Variants in SBF2 observed in about 807,000 individuals in gnomAD.
SBF2 encodes SET binding factor 2.
In SBF2, 112 loss-of-function variants were observed where a neutral mutation model predicts 225.2. The ratio of observed to expected loss-of-function variants is 0.50; its 90% CI spans 0.43 to 0.58. The LOEUF is 0.58. Ranked by LOEUF, SBF2 falls within the 20% of genes least tolerant of loss-of-function variation. The pLI is 0.00. For synonymous variants in SBF2, 763 were observed against 773.3 expected (o/e 0.99, Z 0.22); for missense variants, 1,996 against 2,206.2 (o/e 0.90, Z 1.91).
At chr11:9,954,256 G>GT (rs1042543322) in intron 16 of SBF2, among the ~76,000 whole-genome samples, 3 of 152,074 alleles carry the variant, frequency 2.0e-5, no homozygotes, top group African/African-American at 7.2e-5. Context: ...AATTACCAAA[G>GT]TTTTTGAATC....
intron 1 of SBF2, among the ~76,000 whole-genome samples, chr11:10,244,773 A>C (rs1010600118): frequency 6.6e-6 from 1 of 152,188 alleles, no homozygotes; most frequent in Non-Finnish European, 1.5e-5. Context: ...AAACTATACA[A>C]CTGATAAAAG....
intron 1 of SBF2, among the ~76,000 whole-genome samples, chr11:10,229,431 C>G (rs992458843): frequency 2.0e-5 from 3 of 152,202 alleles, no homozygotes; most frequent in East Asian, 1.9e-4. Flanking sequence ...GATCTTTCCT[C>G]CTTTCTCTTA....
intron 1 of SBF2, among the ~76,000 whole-genome samples, chr11:10,279,302 A>G (rs1222085659): frequency 6.6e-6 from 1 of 151,356 alleles, no homozygotes; most frequent in Non-Finnish European, 1.5e-5. Context: ...AATCCCAGCT[A>G]CTAGGGAGAC....
At chr11:10,263,563 A>G (rs1040601415) in intron 1 of SBF2, among the ~76,000 whole-genome samples, 3 of 152,144 alleles carry the variant, frequency 2.0e-5, no homozygotes, top group Non-Finnish European at 4.4e-5. Context: ...TGACCTTTAA[A>G]TAAGTCAGAG....
At chr11:10,230,408 A>C (rs935882997) in intron 1 of SBF2, among the ~76,000 whole-genome samples, 1 of 152,080 alleles carries the variant, frequency 6.6e-6, no homozygotes, top group Middle Eastern at 3.2e-3. Flanking sequence ...CCTAGCCTTG[A>C]TGGTCTTTAC....
At chr11:9,867,161 G>C (rs914146540) in intron 17 of SBF2, among the ~76,000 whole-genome samples, 73 of 152,240 alleles carry the variant, frequency 4.8e-4, no homozygotes, top group South Asian at 2.1e-4. Context: ...AAGGATAAAT[G>C]CTTGTGGGGA....
At chr11:10,124,386 C>T (rs1249460402) in intron 2 of SBF2, among the ~76,000 whole-genome samples, 1 of 152,008 alleles carries the variant, frequency 6.6e-6, no homozygotes, top group African/African-American at 2.4e-5. Flanking sequence ...TGTACATTTC[C>T]GTCCTAGAGA....
At chr11:10,099,928 G>A (rs1952202047) in intron 2 of SBF2, among the ~76,000 whole-genome samples, 2 of 151,834 alleles carry the variant, frequency 1.3e-5, no homozygotes, top group Admixed American at 1.3e-4. Context: ...AAAAGAGGAA[G>A]AAAGAATCAA....
rs1427162461 is a variant in SBF2, at chr11:10,224,374, C to T, written c.56-30387G>A. On this transcript the variant is annotated intron_variant, in intron 1 of 39. Transcript: ENST00000256190. ...CCATCACTTCTTATTAGTCTCCCCA[C>T]TCCCCATCCATAATTCTCACAACAG... Among the ~76,000 whole-genome samples the T allele has an allele frequency of 3.3e-5, 5 of 152,094 alleles. No individual in the cohort carries two copies. In the South Asian group the frequency reaches 1.0e-3, roughly 32 times the overall value.
At chr11:10,097,416 G>A (rs1052086601) in intron 2 of SBF2, among the ~76,000 whole-genome samples, 1 of 152,158 alleles carries the variant, frequency 6.6e-6, no homozygotes, top group African/African-American at 2.4e-5. Flanking sequence ...AGATTAAACA[G>A]GTAAAAACGA....
intron 1 of SBF2, among the ~76,000 whole-genome samples, chr11:10,247,598 G>A (rs775023708): frequency 3.9e-5 from 6 of 152,044 alleles, no homozygotes; most frequent in Non-Finnish European, 8.8e-5. Context: ...AGGAGGCTGA[G>A]GCAGGAGAAT....
At chr11:9,947,672 T>C (rs193171455) in intron 16 of SBF2, among the ~76,000 whole-genome samples, 149 of 152,268 alleles carry the variant, frequency 9.8e-4, no homozygotes, top group African/African-American at 3.5e-3. Context: ...AGCTTGCTCA[T>C]ACTGTCACTA....
At position 10,085,412 on chromosome 11, in the gene SBF2, C is replaced by T. The variant is rs1177266268; in HGVS notation, c.142-42431G>A. ...TCAGGACTATCCGGAATTTTCTCTT[C>T]AACTCTATCTAGAGAAGATTTTATT... On this transcript the variant is annotated intron_variant, in intron 2 of 39. Transcript: ENST00000256190. Among the ~76,000 whole-genome samples the T allele has an allele frequency of 2.0e-5, 3 of 152,218 alleles. No homozygotes were observed. In the East Asian group the frequency reaches 5.8e-4, roughly 29 times the overall value.
intron 16 of SBF2, among the ~76,000 whole-genome samples, chr11:9,913,639 T>C (rs1197351936): frequency 6.9e-5 from 7 of 101,276 alleles, no homozygotes; most frequent in Admixed American, 3.2e-4. Context: ...ATAGCTGAGA[T>C]TAAAAAAATA....
chr11:10,263,553 T>C (rs940969542), intron 1 of SBF2, among the ~76,000 whole-genome samples: 36 of 152,156 alleles, frequency 2.4e-4, no homozygotes, highest in African/African-American at 8.7e-4. Context: ...GAATAAACTC[T>C]GACCTTTAAA....
intron 2 of SBF2, among the ~76,000 whole-genome samples, chr11:10,130,445 T>G (rs1204932728): frequency 6.6e-6 from 1 of 152,110 alleles, no homozygotes; most frequent in African/African-American, 2.4e-5. Flanking sequence ...TATTTTAAAA[T>G]TATAGAAATT....
rs555460285 is a variant in SBF2 at position 10,234,599 on chromosome 11, G to A, written c.56-40612C>T. On this transcript the variant is annotated intron_variant, in intron 1 of 39. Coordinates refer to ENST00000256190, the MANE Select transcript of SBF2 (RefSeq NM_030962.4). ...ATAGTGTTCCTATCAGATTTTAATTGACAACAAAATTTTCCATGTGCAGCT... is the reference window on the plus strand; with the variant it reads ...ATAGTGTTCCTATCAGATTTTAATTAACAACAAAATTTTCCATGTGCAGCT... Among the ~76,000 whole-genome samples, 41 of 152,154 alleles carry A rather than the reference G, an allele frequency of 2.7e-4. No individual in the cohort carries two copies. The South Asian group carries it at 8.1e-3, about 30-fold the overall frequency.
At chr11:10,065,874 G>T (rs574063672) in intron 2 of SBF2, among the ~76,000 whole-genome samples, 6 of 152,094 alleles carry the variant, frequency 3.9e-5, no homozygotes, top group Admixed American at 3.3e-4. Flanking sequence ...TTGAACCCAG[G>T]GGGTGGAAGT....
At chr11:9,974,055 CG>C (rs1234212598) in intron 13 of SBF2, among the ~76,000 whole-genome samples, 1 of 152,074 alleles carries the variant, frequency 6.6e-6, no homozygotes, top group African/African-American at 2.4e-5. Flanking sequence ...ATTGTCAAAA[CG>C]TAACTGGACT....
Sources: gnomAD v4.1 joint callset for allele counts (sites outside exome capture counted in the v4.1 genomes callset) on GRCh38, gnomAD v4.1.1 for gene constraint, MANE v1.5 for transcripts, NCBI Gene and HGNC (gene_info 2026-07-23, HGNC 2026-07-21) for gene names.